CHD9: variants seen among roughly 807,000 people sequenced by gnomAD.
CHD9 encodes chromodomain helicase DNA binding protein 9.
A neutral mutation model predicts 316.1 loss-of-function variants in CHD9; 77 were observed. The ratio of observed to expected loss-of-function variants is 0.24; its 90% CI spans 0.20 to 0.29. CHD9 has a LOEUF of 0.29. Among genes scored for constraint, CHD9 ranks in the 10% least tolerant of loss-of-function variants. CHD9 has a pLI of 1.00. For synonymous variants in CHD9, 1,129 were observed against 1,158.3 expected, an observed-to-expected ratio of 0.97 and a Z score of 0.51; for missense variants, 2,763 against 3,438.1, an observed-to-expected ratio of 0.80 and a Z score of 4.91.
intron 1 of CHD9, among the ~76,000 whole-genome samples, chr16:53,124,591 G>A (rs532005162): frequency 6.8e-6 from 1 of 147,316 alleles, no homozygotes; most frequent in South Asian, 2.1e-4. Flanking sequence ...CAATTCTCCT[G>A]CCTCAGCCTC....
chr16:53,121,151 G>T, intron 1 of CHD9: 1 of 265,684 alleles, frequency 3.8e-6, no homozygotes, highest in Non-Finnish European at 7.6e-6. Context: ...GAAGCCAGAG[G>T]ACCATATCTA....
chr16:53,172,209 C>T lies in CHD9; in HGVS notation c.1452+14668C>T, dbSNP rs1283257268. ...TCTTCCTTCCATCTCCTCCTTCGCG[C>T]ACCCAGACAACCACTGATCTGATTT... is the stretch of plus-strand genomic sequence containing the variant. On this transcript the variant is annotated intron_variant, in intron 2 of 38. Transcript: ENST00000447540. Among the ~76,000 whole-genome samples the T allele has an allele frequency of 2.8e-4, 43 of 152,132 alleles. 1 individual carries two copies. The highest frequency in any genetic ancestry group is 2.8e-3 in the Admixed American group (43 of 15,262).
chr16:53,282,532 G>C (rs2053504076), intron 24 of CHD9, among the ~76,000 whole-genome samples: 1 of 152,148 alleles, frequency 6.6e-6, no homozygotes, highest in Non-Finnish European at 1.5e-5. Flanking sequence ...CATAAGCCCA[G>C]AGAGGTCAAG....
At chr16:53,130,001 C>T (rs1027641351) in intron 1 of CHD9, among the ~76,000 whole-genome samples, 1 of 152,182 alleles carries the variant, frequency 6.6e-6, no homozygotes, top group African/African-American at 2.4e-5. Flanking sequence ...GCTCCTAAAC[C>T]AGTATCACCC....
intron 24 of CHD9, among the ~76,000 whole-genome samples, chr16:53,281,922 G>A (rs928014288): frequency 2.0e-5 from 3 of 152,042 alleles, no homozygotes; most frequent in African/African-American, 7.2e-5. Flanking sequence ...CATTTATAAT[G>A]CCTACCACTA....
At position 53,273,608 on chromosome 16, in the gene CHD9, A is replaced by G; in HGVS notation, c.4718-18A>G. On this transcript the variant is annotated intron_variant, in intron 22 of 38. Coordinates refer to ENST00000447540, the MANE Select transcript of CHD9 (RefSeq NM_001308319.2). ...TTTATACAAATTATTCCTAATTTAT[A>G]TGTCCTTATTTTAACAGGCCTATCA... is the stretch of plus-strand genomic sequence containing the variant. 1 of 1,530,918 alleles carries G rather than the reference A, an allele frequency of 6.5e-7. No homozygotes were observed. Among genetic ancestry groups the G allele is most frequent in the South Asian group, 1.3e-5 (1 of 79,706 alleles). 94.8% of individuals were successfully genotyped at this position (1,530,918 alleles called of 1,614,324 possible). A position where few individuals can be genotyped will look rare whatever the true frequency, so the allele number is the denominator to read the frequency against.
At chr16:53,216,564 C>T (rs1356417931) in intron 3 of CHD9, among the ~76,000 whole-genome samples, 1 of 152,128 alleles carries the variant, frequency 6.6e-6, no homozygotes. Context: ...TGAACACTGC[C>T]TGTCTGTATG....
At chr16:53,158,273 T>C (rs931265219) in intron 2 of CHD9, among the ~76,000 whole-genome samples, 5 of 152,208 alleles carry the variant, frequency 3.3e-5, no homozygotes, top group Non-Finnish European at 7.3e-5. Context: ...TGTCTTAATA[T>C]ACTTACAAGG....
chr16:53,112,904 A>T (rs532955277), intron 1 of CHD9, among the ~76,000 whole-genome samples: 5 of 152,298 alleles, frequency 3.3e-5, no homozygotes, highest in African/African-American at 1.2e-4. Context: ...TTCTAGGCTA[A>T]GGCAGGAGGA....
At chr16:53,077,399 C>G (rs1172624151) in intron 1 of CHD9, among the ~76,000 whole-genome samples, 1 of 152,042 alleles carries the variant, frequency 6.6e-6, no homozygotes, top group Non-Finnish European at 1.5e-5. Flanking sequence ...TCTCGGCTCA[C>G]TGAAAGCTCT....
rs145175336 is a variant in CHD9, at chr16:53,213,077, T to C, written c.1784+3264T>C. Among the ~76,000 whole-genome samples, 37 of 152,320 alleles carry C rather than the reference T, an allele frequency of 2.4e-4. No homozygotes were observed. In the East Asian group the frequency reaches 5.6e-3, roughly 23 times the overall value. On this transcript the variant is annotated intron_variant, in intron 3 of 38. Transcript: ENST00000447540. ...ATTAAGGCTCTGTTCCTAAATAAGA[T>C]CAGCTTAAAAATTAAGCAGGAAAAC...
chr16:53,210,594 G>GT (rs1172508290), intron 3 of CHD9, among the ~76,000 whole-genome samples: 1 of 152,002 alleles, frequency 6.6e-6, no homozygotes, highest in Non-Finnish European at 1.5e-5. Context: ...GTTTAGAATT[G>GT]TTTTTTCAGG....
At chr16:53,269,601 C>T (rs1023162240) in intron 22 of CHD9, among the ~76,000 whole-genome samples, 1 of 152,134 alleles carries the variant, frequency 6.6e-6, no homozygotes, top group Non-Finnish European at 1.5e-5. Flanking sequence ...AATGTGAAGA[C>T]CTGACTTCTA....
chr16:53,308,965 T>A, intron 34 of CHD9, 111 bp downstream of exon 34: 2 of 789,782 alleles, frequency 2.5e-6, no homozygotes, highest in Non-Finnish European at 3.9e-6. Context: ...TGGAACCTCT[T>A]AAGCCTATAA....
At chr16:53,139,117 G>C (rs1024311157) in intron 1 of CHD9, among the ~76,000 whole-genome samples, 1 of 151,616 alleles carries the variant, frequency 6.6e-6, no homozygotes, top group East Asian at 1.9e-4. Context: ...AGAAAGAAGA[G>C]ATAGATACAA....
intron 30 of CHD9, chr16:53,298,144 G>C (rs1289437260): frequency 6.6e-6 from 1 of 152,232 alleles, no homozygotes; most frequent in East Asian, 1.9e-4. Flanking sequence ...TCAGAAATGT[G>C]AGTAAGGATA....
intron 1 of CHD9, among the ~76,000 whole-genome samples, chr16:53,085,374 C>A (rs1596926342): frequency 1.3e-5 from 2 of 152,090 alleles, no homozygotes; most frequent in Admixed American, 6.6e-5. Flanking sequence ...TCATCTTACC[C>A]CCCAGGACAT....
At chr16:53,261,585 C>A (rs1288332937) in intron 19 of CHD9, among the ~76,000 whole-genome samples, 1 of 151,932 alleles carries the variant, frequency 6.6e-6, no homozygotes, top group Non-Finnish European at 1.5e-5. Context: ...CTATGTTGCC[C>A]AGGCTGGTCT....
At chr16:53,157,905 G>C (rs2041633535) in intron 2 of CHD9, among the ~76,000 whole-genome samples, 1 of 152,058 alleles carries the variant, frequency 6.6e-6, no homozygotes, top group South Asian at 2.1e-4. Flanking sequence ...TTAACATTGA[G>C]TTAATATTCC....
Sources: allele counts gnomAD v4.1 joint callset (sites outside exome capture counted in the v4.1 genomes callset), GRCh38; gene constraint gnomAD v4.1.1; transcripts MANE v1.5; gene names NCBI Gene and HGNC (gene_info 2026-07-23, HGNC 2026-07-21).